LUZP2: variants seen among roughly 807,000 people sequenced by gnomAD.
LUZP2 encodes the protein leucine zipper protein 2.
LUZP2 carries 52 observed loss-of-function variants against 51.6 expected under a neutral mutation model. The observed-to-expected ratio is 1.01, with a 90% CI of 0.81 to 1.27. LUZP2 has a LOEUF of 1.27. Among genes scored for constraint, LUZP2 ranks in the 50% most tolerant of loss-of-function variants. LUZP2 has a pLI of 0.00. For missense variants in LUZP2, 436 were observed against 395.4 expected (o/e 1.10, Z -0.87); for synonymous variants, 154 against 137.3 (o/e 1.12, Z -0.85).
intron 9 of LUZP2, among the ~76,000 whole-genome samples, chr11:24,985,824 A>C (rs919144382): frequency 1.3e-5 from 2 of 151,732 alleles, no homozygotes; most frequent in African/African-American, 4.8e-5. Context: ...CTGAGGGAAG[A>C]CATCTGAATA....
At chr11:24,775,706 G>T (rs1431420335) in intron 5 of LUZP2, among the ~76,000 whole-genome samples, 2 of 152,102 alleles carry the variant, frequency 1.3e-5, no homozygotes, top group African/African-American at 4.8e-5. Flanking sequence ...ACGTGACTCA[G>T]TTGAAACCAT....
chr11:24,550,192 C>G (rs1488615996), intron 1 of LUZP2, among the ~76,000 whole-genome samples: 1 of 152,004 alleles, frequency 6.6e-6, no homozygotes, highest in Admixed American at 6.6e-5. Context: ...ATACTAATTG[C>G]TATAAATGTC....
At chr11:25,074,601 TGAA>T (rs1174939836) in intron 10 of LUZP2, among the ~76,000 whole-genome samples, 1 of 152,098 alleles carries the variant, frequency 6.6e-6, no homozygotes, top group African/African-American at 2.4e-5. Context: ...TGACCTCAAG[TGAA>T]GCTTTACACA....
At chr11:24,967,806 C>G (rs1855631672) in intron 7 of LUZP2, among the ~76,000 whole-genome samples, 1 of 151,916 alleles carries the variant, frequency 6.6e-6, no homozygotes, top group Non-Finnish European at 1.5e-5. Context: ...TAATAGCTGC[C>G]TTAAAGTGTT....
In LUZP2 at chr11:24,901,097, G is replaced by A. The variant is rs180918177; in HGVS notation, c.397-4894G>A. ...AGAACAAAAACAAAAAAGAGCAACT[G>A]CAGGGATTTCTTGCCTATTTCTCCT... is the stretch of plus-strand genomic sequence containing the variant. On this transcript the variant is annotated intron_variant, in intron 5 of 11. Coordinates refer to ENST00000336930, the MANE Select transcript of LUZP2 (RefSeq NM_001009909.4). 1.9e-3 allele frequency among the ~76,000 whole-genome samples: 285 copies of A among 152,210 alleles called. 4 individuals are homozygous for A. The South Asian group carries it at 0.027, about 14-fold the overall frequency.
At chr11:25,056,342 T>G (rs940603460) in intron 10 of LUZP2, among the ~76,000 whole-genome samples, 17 of 152,166 alleles carry the variant, frequency 1.1e-4, no homozygotes, top group African/African-American at 4.1e-4. Flanking sequence ...GAGGCATTTG[T>G]GTGGAGGACA....
intron 10 of LUZP2, among the ~76,000 whole-genome samples, chr11:25,074,177 G>A (rs918695432): frequency 6.6e-6 from 1 of 152,118 alleles, no homozygotes; most frequent in Non-Finnish European, 1.5e-5. Context: ...ACAGAGTGAG[G>A]GAACTCTATT....
chr11:24,890,585 G>A (rs1852817386), intron 5 of LUZP2, among the ~76,000 whole-genome samples: 2 of 152,056 alleles, frequency 1.3e-5, no homozygotes, highest in South Asian at 4.1e-4. Flanking sequence ...GGAGGTGGGG[G>A]AGCATTAAAG....
Position 24,833,492 on chromosome 11 carries a change from G to A in LUZP2, c.396+70184G>A, listed in dbSNP as rs77088837. On this transcript the variant is annotated intron_variant, in intron 5 of 11. Coordinates refer to ENST00000336930, the MANE Select transcript of LUZP2 (RefSeq NM_001009909.4). Reference sequence around the variant, plus strand: ...CCCTCAGGCTGAGACTCACAGTCAGGTTTACAAGTTGGACATACCCAGGGA... The same window carrying A: ...CCCTCAGGCTGAGACTCACAGTCAGATTTACAAGTTGGACATACCCAGGGA... Among the ~76,000 whole-genome samples the A allele has an allele frequency of 1.6e-4, 25 of 152,250 alleles. 1 individual carries two copies. In the East Asian group the frequency reaches 4.3e-3, roughly 26 times the overall value.
chr11:24,799,884 A>G (rs989378088), intron 5 of LUZP2, among the ~76,000 whole-genome samples: 28 of 152,190 alleles, frequency 1.8e-4, no homozygotes, highest in African/African-American at 6.8e-4. Context: ...ATCACAATTA[A>G]TGTTCCCATA....
chr11:24,815,173 C>T (rs1204430700), intron 5 of LUZP2, among the ~76,000 whole-genome samples: 1 of 151,830 alleles, frequency 6.6e-6, no homozygotes, highest in Non-Finnish European at 1.5e-5. Flanking sequence ...TAATTAAACC[C>T]CCATACACAA....
intron 5 of LUZP2, among the ~76,000 whole-genome samples, chr11:24,815,044 A>T (rs1418587649): frequency 2.0e-5 from 3 of 150,884 alleles, no homozygotes; most frequent in South Asian, 2.1e-4. Context: ...TGATTATTAT[A>T]TTATTATTAA....
At chr11:25,006,759 G>A (rs184185020) in intron 9 of LUZP2, among the ~76,000 whole-genome samples, 1 of 152,192 alleles carries the variant, frequency 6.6e-6, no homozygotes, top group African/African-American at 2.4e-5. Context: ...TCTTGGTCTC[G>A]CTAACTTCAA....
intron 10 of LUZP2, among the ~76,000 whole-genome samples, chr11:25,077,040 C>G (rs1181397574): frequency 2.6e-5 from 4 of 152,022 alleles, no homozygotes; most frequent in African/African-American, 9.7e-5. Context: ...TCTTTTACTT[C>G]TTTTTAAATG....
At chr11:24,667,660 A>G (rs1029219433) in intron 1 of LUZP2, among the ~76,000 whole-genome samples, 1 of 152,178 alleles carries the variant, frequency 6.6e-6, no homozygotes, top group Non-Finnish European at 1.5e-5. Context: ...TTCTAAGAGC[A>G]TTTAACTCCC....
intron 9 of LUZP2, among the ~76,000 whole-genome samples, chr11:25,006,274 A>C (rs935651779): frequency 1.3e-5 from 2 of 152,104 alleles, no homozygotes; most frequent in Admixed American, 1.3e-4. Flanking sequence ...GGTGAGAGGA[A>C]GTTTGTCTGA....
At chr11:24,549,616 C>T (rs767254811) in intron 1 of LUZP2, among the ~76,000 whole-genome samples, 1 of 152,072 alleles carries the variant, frequency 6.6e-6, no homozygotes, top group Non-Finnish European at 1.5e-5. Context: ...AGCATCACCA[C>T]AAACATGTAA....
chr11:24,555,206 G>A (rs886762333), intron 1 of LUZP2, among the ~76,000 whole-genome samples: 3 of 152,094 alleles, frequency 2.0e-5, no homozygotes, highest in African/African-American at 7.2e-5. Context: ...AAGCGATATG[G>A]AAGAAAGCCA....
intron 1 of LUZP2, among the ~76,000 whole-genome samples, chr11:24,648,946 G>A (rs72880685): frequency 0.026 from 3,980 of 152,002 alleles, 81 homozygotes; most frequent in South Asian, 0.11. Context: ...AGCCAGTAAG[G>A]AATTAATTTT....
Sources: gnomAD v4.1 joint callset for allele counts (sites outside exome capture counted in the v4.1 genomes callset) on GRCh38, gnomAD v4.1.1 for gene constraint, MANE v1.5 for transcripts, NCBI Gene and HGNC (gene_info 2026-07-23, HGNC 2026-07-21) for gene names.